SETBP1: variants seen among roughly 807,000 people sequenced by gnomAD.
The protein encoded by SETBP1 is SET binding protein 1, also known as SET-binding protein.
SETBP1 carries 9 observed loss-of-function variants against 101.0 expected under a neutral mutation model. The ratio of observed to expected loss-of-function variants is 0.09; its 90% confidence interval spans 0.05 to 0.16. The LOEUF (loss-of-function observed/expected upper bound fraction) is 0.16. Ranked by LOEUF, SETBP1 falls within the 10% of genes least tolerant of loss-of-function variation. SETBP1 has a pLI of 1.00. For synonymous variants in SETBP1, 818 were observed against 788.5 expected (o/e 1.04, Z -0.63); for missense variants, 1,858 against 2,033.8 (o/e 0.91, Z 1.66).
chr18:44,744,172 G>C (rs1338937605), intron 2 of SETBP1, among the ~76,000 whole-genome samples: 1 of 152,256 alleles, frequency 6.6e-6, no homozygotes, highest in Non-Finnish European at 1.5e-5. Context: ...ACCCAGTGCA[G>C]CGTTGAGTCT....
At chr18:44,734,905 G>A (rs563555889) in intron 2 of SETBP1, among the ~76,000 whole-genome samples, 125 of 152,264 alleles carry the variant, frequency 8.2e-4, no homozygotes, top group Middle Eastern at 6.8e-3. Flanking sequence ...TATCACATAG[G>A]AAGTACTCAA....
At chr18:44,907,168 G>A (rs1016800532) in intron 3 of SETBP1, among the ~76,000 whole-genome samples, 1 of 152,182 alleles carries the variant, frequency 6.6e-6, no homozygotes, top group African/African-American at 2.4e-5. Context: ...TAGCCATGCT[G>A]TAGGATGTAT....
At chr18:45,000,496 G>A (rs1018439667) in intron 4 of SETBP1, among the ~76,000 whole-genome samples, 1 of 151,664 alleles carries the variant, frequency 6.6e-6, no homozygotes, top group Non-Finnish European at 1.5e-5. Context: ...GCAGTTAGAG[G>A]TCTGTGGATC....
At chr18:44,928,588 C>A (rs2070755749) in intron 3 of SETBP1, among the ~76,000 whole-genome samples, 1 of 152,182 alleles carries the variant, frequency 6.6e-6, no homozygotes, top group Admixed American at 6.5e-5. Context: ...CTCTCCAGCA[C>A]CTGTTGTTTC....
intron 5 of SETBP1, among the ~76,000 whole-genome samples, chr18:45,042,475 C>T (rs1049523421): frequency 2.4e-4 from 36 of 152,032 alleles, no homozygotes; most frequent in African/African-American, 7.5e-4. Context: ...CTTTGTAGGC[C>T]GCTGGAAAAT....
At chr18:45,041,847 C>T (rs1177471632) in intron 5 of SETBP1, among the ~76,000 whole-genome samples, 3 of 151,912 alleles carry the variant, frequency 2.0e-5, no homozygotes, top group African/African-American at 7.3e-5. Flanking sequence ...ATCCCAGCTA[C>T]TCAGGAGTCT....
intron 1 of SETBP1, among the ~76,000 whole-genome samples, chr18:44,684,976 G>C (rs1056127904): frequency 1.3e-5 from 2 of 152,170 alleles, no homozygotes. Flanking sequence ...ATGGCCGTTA[G>C]CTTAGAAACC....
At chr18:44,901,221 C>T (rs1168009329) in intron 3 of SETBP1, among the ~76,000 whole-genome samples, 4 of 152,156 alleles carry the variant, frequency 2.6e-5, no homozygotes, top group African/African-American at 9.7e-5. Flanking sequence ...GAGGAAAAAT[C>T]TCTAGTCCTG....
At chr18:44,972,658 C>T (rs1428936757) in intron 4 of SETBP1, among the ~76,000 whole-genome samples, 1 of 152,158 alleles carries the variant, frequency 6.6e-6, no homozygotes, top group Non-Finnish European at 1.5e-5. Flanking sequence ...GGAGTTCACT[C>T]ATGATTTGGC....
chr18:44,852,685 C>G (rs544865209), intron 2 of SETBP1, among the ~76,000 whole-genome samples: 2 of 152,288 alleles, frequency 1.3e-5, no homozygotes, highest in African/African-American at 4.8e-5. Flanking sequence ...AATAAGGAAA[C>G]TGAATTTCAA....
At chr18:44,725,184 G>A (rs1187434991) in intron 2 of SETBP1, among the ~76,000 whole-genome samples, 1 of 152,148 alleles carries the variant, frequency 6.6e-6, no homozygotes, top group African/African-American at 2.4e-5. Context: ...ATTGCAACAC[G>A]TGAGACTCCC....
chr18:44,978,123 G>GA (rs1390644911), intron 4 of SETBP1, among the ~76,000 whole-genome samples: 2 of 152,120 alleles, frequency 1.3e-5, no homozygotes, highest in South Asian at 2.1e-4. Context: ...GAAGAGCAAG[G>GA]AAAAAACATA....
intron 2 of SETBP1, among the ~76,000 whole-genome samples, chr18:44,773,646 G>A (rs1187413830): frequency 2.0e-5 from 3 of 152,130 alleles, no homozygotes; most frequent in Non-Finnish European, 4.4e-5. Context: ...CCAACTGATG[G>A]AAAATAACAC....
Position 44,986,155 on chromosome 18 carries a change from C to T in SETBP1, c.4000+32815C>T, listed in dbSNP as rs566212176. 9 of 152,240 alleles carry T rather than the reference C, an allele frequency of 5.9e-5. No individual in the cohort carries two copies. The South Asian group carries it at 1.5e-3, about 25-fold the overall frequency. The allele number at this position is 152,240 out of a possible 1,614,324, so 9.4% of individuals were successfully genotyped here. On this transcript the variant is annotated intron_variant, in intron 4 of 5. Coordinates refer to ENST00000649279, the MANE Select transcript of SETBP1 (RefSeq NM_015559.3). ...ACACACCTAAGCTATATGGTGTAGC[C>T]TTTTGCTCCTAGGATACAAACCTGC...
At chr18:44,682,663 A>T (rs1338465632) in intron 1 of SETBP1, among the ~76,000 whole-genome samples, 2 of 152,192 alleles carry the variant, frequency 1.3e-5, no homozygotes, top group African/African-American at 4.8e-5. Context: ...TTTGGGGGAA[A>T]GTCGGAAGAG....
At chr18:44,698,915 C>G (rs573883535) in intron 1 of SETBP1, among the ~76,000 whole-genome samples, 1 of 151,720 alleles carries the variant, frequency 6.6e-6, no homozygotes, top group Non-Finnish European at 1.5e-5. Context: ...GTCTTGTACA[C>G]GTAGTAAAAT....
At chr18:44,849,126 G>C (rs622759) in intron 2 of SETBP1, among the ~76,000 whole-genome samples, 48,201 of 152,020 alleles carry the variant, frequency 0.32, 7,669 homozygotes, top group South Asian at 0.39. Context: ...GTGCCAGAAC[G>C]TCCCCCATCT....
intron 4 of SETBP1, among the ~76,000 whole-genome samples, chr18:44,972,151 A>AT (rs997283468): frequency 1.3e-5 from 2 of 151,788 alleles, no homozygotes; most frequent in Admixed American, 1.3e-4. Flanking sequence ...CCCATTTCTT[A>AT]TTTTTGTCAG....
chr18:44,870,429 G>A (rs2069246487), intron 3 of SETBP1: 1 of 152,230 alleles, frequency 6.6e-6, no homozygotes, highest in Non-Finnish European at 1.5e-5. Context: ...CCCTGTTGGT[G>A]AGAATCAAAG....
Sources: allele counts gnomAD v4.1 joint callset (sites outside exome capture counted in the v4.1 genomes callset), GRCh38; gene constraint gnomAD v4.1.1; transcripts MANE v1.5; gene names NCBI Gene and HGNC (gene_info 2026-07-23, HGNC 2026-07-21).